Variants in PKHD1 observed in about 807,000 individuals in gnomAD.
PKHD1 encodes fibrocystin.
Under a neutral mutation model 412.0 loss-of-function variants are expected in PKHD1, and 291 were observed. The ratio of observed to expected loss-of-function variants is 0.71; its 90% CI spans 0.64 to 0.78. The LOEUF is 0.78. PKHD1 is among the 30% of genes least tolerant of loss of function. The probability of loss-of-function intolerance (pLI) is 0.00; values close to 1 mark genes in which losing one functional copy is unlikely to be tolerated. For synonymous variants in PKHD1, 1,777 were observed against 1,821.5 expected, an observed-to-expected ratio of 0.98 and a Z score of 0.62; for missense variants, 4,825 against 4,950.7, an observed-to-expected ratio of 0.97 and a Z score of 0.76.
chr6:52,012,714 A>G (rs1176905944), intron 34 of PKHD1, among the ~76,000 whole-genome samples: 1 of 152,206 alleles, frequency 6.6e-6, no homozygotes, highest in Non-Finnish European at 1.5e-5. Flanking sequence ...TTGCACCTAG[A>G]ACCTTTTTTT....
intron 60 of PKHD1, among the ~76,000 whole-genome samples, chr6:51,696,530 G>T (rs1778821698): frequency 6.6e-6 from 1 of 152,170 alleles, no homozygotes; most frequent in African/African-American, 2.4e-5. Flanking sequence ...GATCCATTAT[G>T]TAATCATCTC....
intron 65 of PKHD1, among the ~76,000 whole-genome samples, chr6:51,629,393 AT>A (rs1056167950): frequency 6.6e-6 from 1 of 152,064 alleles, no homozygotes; most frequent in African/African-American, 2.4e-5. Flanking sequence ...TTTAAAAAAA[AT>A]GGGCAAAGGA....
At position 51,893,453 on chromosome 6, in the gene PKHD1, G is replaced by A. The variant is rs143333690; in HGVS notation, c.6997-6208C>T. ...CTGCAACTTTGGTCCTCTGTTAGCT[G>A]ATAAGACTCACTTTTCTTACAAAAG... On this transcript the variant is annotated intron_variant, in intron 43 of 66. Transcript: ENST00000371117. Among the ~76,000 whole-genome samples the A allele has an allele frequency of 2.4e-3, 365 of 152,312 alleles. 2 individuals carry two copies. Among genetic ancestry groups the A allele is most frequent in the African/African-American group, 8.4e-3 (350 of 41,572 alleles).
intron 33 of PKHD1, among the ~76,000 whole-genome samples, chr6:52,020,773 C>A (rs1801281727): frequency 6.6e-6 from 1 of 152,186 alleles, no homozygotes; most frequent in Non-Finnish European, 1.5e-5. Context: ...CCTGAAAAAT[C>A]TTTAAAAATA....
At chr6:51,834,804 C>G (rs1384169516) in intron 51 of PKHD1, among the ~76,000 whole-genome samples, 1 of 152,218 alleles carries the variant, frequency 6.6e-6, no homozygotes, top group East Asian at 1.9e-4. Context: ...GGTAGGAAAA[C>G]TGGCTAGATT....
chr6:51,907,185 A>T (rs966148913), intron 40 of PKHD1, among the ~76,000 whole-genome samples: 3 of 152,182 alleles, frequency 2.0e-5, no homozygotes, highest in Admixed American at 2.0e-4. Flanking sequence ...AATCCTAAAA[A>T]GGGAGCTTTG....
At chr6:51,897,578 A>G (rs1301497402) in intron 43 of PKHD1, among the ~76,000 whole-genome samples, 1 of 143,914 alleles carries the variant, frequency 6.9e-6, no homozygotes, top group Admixed American at 7.0e-5. Context: ...TGTAAAGACC[A>G]TTGAGACTAG....
At chr6:51,761,594 C>T (rs930022396) in intron 55 of PKHD1, among the ~76,000 whole-genome samples, 1 of 151,584 alleles carries the variant, frequency 6.6e-6, no homozygotes, top group East Asian at 1.9e-4. Context: ...GTGAAGTATC[C>T]TTACCACAAA....
intron 19 of PKHD1, 27 bp from the exon 20 acceptor site, chr6:52,054,192 T>G: frequency 6.2e-7 from 1 of 1,611,640 alleles, no homozygotes; most frequent in East Asian, 2.2e-5. Flanking sequence ...AGTCCTTCAG[T>G]TCTATTAGTG....
intron 37 of PKHD1, among the ~76,000 whole-genome samples, chr6:51,924,307 A>C (rs1460081142): frequency 6.6e-6 from 1 of 152,208 alleles, no homozygotes; most frequent in Non-Finnish European, 1.5e-5. Flanking sequence ...AATCTACACC[A>C]CATTAACCAT....
At chr6:51,700,951 A>T (rs1213734536) in intron 60 of PKHD1, among the ~76,000 whole-genome samples, 1 of 152,120 alleles carries the variant, frequency 6.6e-6, no homozygotes, top group African/African-American at 2.4e-5. Flanking sequence ...ACCCCAGCCA[A>T]TTAGTTTGTC....
intron 52 of PKHD1, among the ~76,000 whole-genome samples, chr6:51,809,861 T>C (rs1343414476): frequency 3.4e-5 from 1 of 29,132 alleles, no homozygotes; most frequent in Non-Finnish European, 8.0e-5. Context: ...TATCTTGTAT[T>C]TTTTTTCTAG....
intron 52 of PKHD1, among the ~76,000 whole-genome samples, chr6:51,802,756 C>T (rs1763129025): frequency 1.3e-5 from 2 of 151,288 alleles, no homozygotes; most frequent in Non-Finnish European, 2.9e-5. Context: ...AAGTTTATTT[C>T]TCCCCATCAG....
intron 55 of PKHD1, among the ~76,000 whole-genome samples, chr6:51,766,207 A>G (rs999894604): frequency 6.6e-6 from 1 of 152,104 alleles, no homozygotes; most frequent in Non-Finnish European, 1.5e-5. Context: ...CATAATACCT[A>G]CTCTACAAAG....
Position 51,981,307 on chromosome 6 carries a change from C to CT in PKHD1, c.5752-21282_5752-21281insA, listed in dbSNP as rs1562045570. Among the ~76,000 whole-genome samples the CT allele has an allele frequency of 1.4e-3, 56 of 40,770 alleles. 6 individuals are homozygous for CT. The highest frequency in any genetic ancestry group is 3.3e-3 in the African/African-American group (56 of 17,080). 26.7% of individuals were successfully genotyped at this position (40,770 alleles called of 152,430 possible). A position where few individuals can be genotyped will look rare whatever the true frequency, so the allele number is the denominator to read the frequency against. On this transcript the variant is annotated intron_variant, in intron 35 of 66. Transcript: ENST00000371117. The stretch of plus-strand genomic sequence containing the variant: ...GCCCTTTTAGAGAGGCTCCAAAGCT[C>CT]AAGCTCTCCCTCTCCCTCTCCCTCT...
intron 60 of PKHD1, among the ~76,000 whole-genome samples, chr6:51,734,786 T>C (rs146838239): frequency 0.011 from 1,623 of 152,326 alleles, 53 homozygotes; most frequent in Admixed American, 0.041. Context: ...GAGTACTATG[T>C]TGAATCCACA....
intron 62 of PKHD1, 74 bp from the exon 63 acceptor site, chr6:51,648,192 T>C (rs1770379404): frequency 4.9e-6 from 4 of 813,544 alleles, no homozygotes; most frequent in Non-Finnish European, 6.6e-6. Flanking sequence ...TTAGAAAAGA[T>C]GGATCAGATA....
At chr6:51,745,381 G>A (rs182108535) in intron 59 of PKHD1, among the ~76,000 whole-genome samples, 6 of 152,254 alleles carry the variant, frequency 3.9e-5, no homozygotes, top group African/African-American at 1.4e-4. Flanking sequence ...GATGAAGAGA[G>A]TACTCTCTTG....
intron 61 of PKHD1, among the ~76,000 whole-genome samples, chr6:51,658,527 A>T (rs951450993): frequency 3.3e-5 from 5 of 152,156 alleles, no homozygotes; most frequent in African/African-American, 1.2e-4. Context: ...AAATACTAAT[A>T]GCTTATTAGC....
Sources: gnomAD v4.1 joint callset for allele counts (sites outside exome capture counted in the v4.1 genomes callset) on GRCh38, gnomAD v4.1.1 for gene constraint, MANE v1.5 for transcripts, NCBI Gene and HGNC (gene_info 2026-07-23, HGNC 2026-07-21) for gene names.